Variants in DLG2 observed in about 807,000 individuals in gnomAD.
The protein encoded by DLG2 is disks large homolog 2.
DLG2 carries 45 observed loss-of-function variants against 132.5 expected under a neutral mutation model. That is an observed-to-expected ratio of 0.34 (90% CI 0.27 to 0.44). DLG2 has a LOEUF of 0.44. Among genes scored for constraint, DLG2 ranks in the 20% least tolerant of loss-of-function variants. The pLI is 1.00. For missense variants in DLG2, 1,045 were observed against 1,196.9 expected (o/e 0.87, Z 1.87); for synonymous variants, 424 against 419.6 (o/e 1.01, Z -0.13).
intron 11 of DLG2, among the ~76,000 whole-genome samples, chr11:84,001,123 ATTCTT>A (rs1332463511): frequency 6.6e-6 from 1 of 152,088 alleles, no homozygotes; most frequent in Non-Finnish European, 1.5e-5. Flanking sequence ...AACAGATTAA[ATTCTT>A]TACTTAAAAG....
intron 7 of DLG2, among the ~76,000 whole-genome samples, chr11:84,473,758 C>CT (rs2099114532): frequency 6.6e-6 from 1 of 151,986 alleles, no homozygotes; most frequent in African/African-American, 2.4e-5. Flanking sequence ...GCACTAAATA[C>CT]TTTAAGTCAG....
At chr11:84,834,097 G>A (rs1254731176) in intron 6 of DLG2, among the ~76,000 whole-genome samples, 1 of 151,466 alleles carries the variant, frequency 6.6e-6, no homozygotes, top group African/African-American at 2.4e-5. Context: ...TATAATTTTA[G>A]GAAAACCCTT....
intron 19 of DLG2, among the ~76,000 whole-genome samples, chr11:83,619,406 T>G (rs189349075): frequency 1.3e-5 from 2 of 152,334 alleles, no homozygotes. Flanking sequence ...CTAGAAGCCA[T>G]GGAAATTAAG....
At chr11:83,579,436 G>T (rs933445445) in intron 19 of DLG2, among the ~76,000 whole-genome samples, 1 of 152,130 alleles carries the variant, frequency 6.6e-6, no homozygotes, top group Non-Finnish European at 1.5e-5. Context: ...CAGCATAATG[G>T]ATATCGCCAC....
chr11:83,871,564 T>C (rs190962877), intron 16 of DLG2, among the ~76,000 whole-genome samples: 3 of 152,356 alleles, frequency 2.0e-5, no homozygotes, highest in Non-Finnish European at 4.4e-5. Flanking sequence ...CACTGAGCAG[T>C]ATAACACTTT....
intron 16 of DLG2, among the ~76,000 whole-genome samples, chr11:83,862,297 G>C (rs988757915): frequency 1.3e-5 from 2 of 152,104 alleles, no homozygotes; most frequent in South Asian, 2.1e-4. Flanking sequence ...GCAACAACAC[G>C]AATGGAACTG....
At chr11:83,868,416 C>T (rs1204637734) in intron 16 of DLG2, among the ~76,000 whole-genome samples, 1 of 152,128 alleles carries the variant, frequency 6.6e-6, no homozygotes, top group Non-Finnish European at 1.5e-5. Flanking sequence ...CAAATGGGTG[C>T]TCATCTCCTT....
At chr11:85,494,403 C>G (rs79967205) in intron 3 of DLG2, among the ~76,000 whole-genome samples, 5,411 of 152,108 alleles carry the variant, frequency 0.036, 146 homozygotes, top group Admixed American at 0.053. Context: ...ATTTACAGCC[C>G]AAAATCTTGG....
intron 17 of DLG2, among the ~76,000 whole-genome samples, chr11:83,806,595 T>C (rs2045968228): frequency 6.6e-6 from 1 of 152,204 alleles, no homozygotes; most frequent in Non-Finnish European, 1.5e-5. Context: ...TGAATAAATA[T>C]CAATAACTAG....
chr11:84,520,925 C>T (rs555331474), intron 7 of DLG2, among the ~76,000 whole-genome samples: 1 of 152,292 alleles, frequency 6.6e-6, no homozygotes, highest in African/African-American at 2.4e-5. Context: ...ATTTCTGATG[C>T]CATGCCTAGC....
chr11:85,612,535 A>G (rs2081078123), intron 2 of DLG2, among the ~76,000 whole-genome samples: 1 of 152,250 alleles, frequency 6.6e-6, no homozygotes, highest in Admixed American at 6.5e-5. Context: ...GGAAGGAGCC[A>G]TCTATACCAA....
At chr11:84,359,292 G>C (rs1489052334) in intron 7 of DLG2, among the ~76,000 whole-genome samples, 1 of 151,782 alleles carries the variant, frequency 6.6e-6, no homozygotes, top group Non-Finnish European at 1.5e-5. Context: ...CTCCCTGGTT[G>C]TGCTGTATTT....
chr11:83,456,991 C>T lies in DLG2; in HGVS notation c.*2827G>A, dbSNP rs1399356117. 3 of 152,666 alleles carry T rather than the reference C, an allele frequency of 2.0e-5. No individual in the cohort carries two copies. The highest frequency in any genetic ancestry group is 1.9e-4 in the East Asian group (1 of 5,204). The allele number at this position is 152,666 out of a possible 1,614,324, so 9.5% of individuals were successfully genotyped here. A position where few individuals can be genotyped will look rare whatever the true frequency, so the allele number is the denominator to read the frequency against. ...AAAAAACAAATGCCTCTGCACTTAG[C>T]TGACAAATGGAATTTTGATTTTGGT... On this transcript the variant is annotated 3_prime_UTR_variant, in exon 28 of 28. Transcript: ENST00000376104.
At chr11:84,994,439 C>T (rs1392934994) in intron 6 of DLG2, among the ~76,000 whole-genome samples, 2 of 152,172 alleles carry the variant, frequency 1.3e-5, no homozygotes, top group African/African-American at 2.4e-5. Context: ...GAGCAGCCAA[C>T]TAGCCACTGA....
chr11:85,298,101 G>A (rs531550620), intron 3 of DLG2, among the ~76,000 whole-genome samples: 3 of 152,224 alleles, frequency 2.0e-5, no homozygotes, highest in East Asian at 3.9e-4. Context: ...CTGTGCTGGG[G>A]TGGCAGTAGC....
intron 10 of DLG2, among the ~76,000 whole-genome samples, chr11:84,087,318 C>T (rs1191582266): frequency 6.6e-6 from 1 of 152,186 alleles, no homozygotes; most frequent in Non-Finnish European, 1.5e-5. Flanking sequence ...AACACTTATA[C>T]TGTCCATCTT....
intron 3 of DLG2, among the ~76,000 whole-genome samples, chr11:85,556,000 A>T (rs964466036): frequency 1.3e-5 from 2 of 151,892 alleles, no homozygotes; most frequent in Non-Finnish European, 2.9e-5. Context: ...CCATGTATAC[A>T]TAAATCAATT....
intron 6 of DLG2, among the ~76,000 whole-genome samples, chr11:84,914,041 T>G (rs1274592799): frequency 6.6e-6 from 1 of 152,210 alleles, no homozygotes; most frequent in Non-Finnish European, 1.5e-5. Flanking sequence ...GAAAAATGAA[T>G]TAGACACTTT....
chr11:84,579,747 A>T (rs952427604), intron 6 of DLG2, among the ~76,000 whole-genome samples: 2 of 152,222 alleles, frequency 1.3e-5, no homozygotes, highest in Non-Finnish European at 2.9e-5. Context: ...GTATGCAGGA[A>T]GTAGGTAGAA....
Sources: gnomAD v4.1 joint callset for allele counts (sites outside exome capture counted in the v4.1 genomes callset) on GRCh38, gnomAD v4.1.1 for gene constraint, MANE v1.5 for transcripts, NCBI Gene and HGNC (gene_info 2026-07-23, HGNC 2026-07-21) for gene names.